NRG2: variants seen among roughly 807,000 people sequenced by gnomAD.
The protein encoded by NRG2 is neuregulin 2, also known as pro-neuregulin-2, membrane-bound isoform.
NRG2 carries 27 observed loss-of-function variants against 73.9 expected under a neutral mutation model. That is an observed-to-expected ratio of 0.37 (90% confidence interval 0.27 to 0.50). The LOEUF is 0.50. NRG2 is among the 20% of genes least tolerant of loss of function. The pLI, the probability that NRG2 is intolerant of heterozygous loss-of-function variation, is 0.96. For missense variants in NRG2, 1,126 were observed against 1,210.1 expected (o/e 0.93, Z 1.03); for synonymous variants, 532 against 541.0 (o/e 0.98, Z 0.23).
rs1761480579 is a variant in NRG2 at position 139,852,169 on chromosome 5, G to A, written c.1544+263C>T. ...CCTATCTCAGAAGCCCAGCCCCAGG[G>A]GCCAGTATGTGAGGGCCCTGACTAT... is the stretch of plus-strand genomic sequence containing the variant. On this transcript the variant is annotated intron_variant, in intron 8 of 9. Transcript: ENST00000361474. This position sits in a 1 kb window ranked among gnomAD's most constrained non-coding sequence, Gnocchi z 4.4. Among the ~76,000 whole-genome samples the A allele has an allele frequency of 6.6e-6, 1 of 152,116 alleles. No individual in the cohort carries two copies. Among genetic ancestry groups the A allele is most frequent in the South Asian group, 2.1e-4 (1 of 4,822 alleles).
chr5:140,016,826 G>A (rs772719872), intron 1 of NRG2, among the ~76,000 whole-genome samples: 4 of 152,238 alleles, frequency 2.6e-5, no homozygotes, highest in Non-Finnish European at 5.9e-5. Context: ...GGCCTGCAGC[G>A]TGGTCATCTC....
intron 1 of NRG2, among the ~76,000 whole-genome samples, chr5:139,948,973 CCT>C (rs1240649271): frequency 1.3e-5 from 2 of 152,036 alleles, no homozygotes; most frequent in Admixed American, 6.6e-5. Flanking sequence ...ATTAACAAAG[CCT>C]CTGAGTCTCG....
intron 1 of NRG2, among the ~76,000 whole-genome samples, chr5:139,906,607 C>T (rs1007074405): frequency 3.3e-5 from 5 of 152,294 alleles, no homozygotes; most frequent in Admixed American, 6.5e-5. Flanking sequence ...TACTGTGTTT[C>T]GGGCACAGTG....
chr5:140,043,218 G>C lies in NRG2; in HGVS notation c.-149C>G, dbSNP rs923519916. 7 of 848,882 alleles carry C rather than the reference G, an allele frequency of 8.2e-6. No individual in the cohort carries two copies. In the African/African-American group the frequency reaches 1.3e-4, roughly 15 times the overall value. The allele number at this position is 848,882 out of a possible 1,614,324, so 52.6% of individuals were successfully genotyped here. ...GGGGAGGTGGCCCAGCTAGGGCAGG[G>C]GGCAGGCGGCAAGCGGGCCGCGATG... On this transcript the variant is annotated 5_prime_UTR_variant, in exon 1 of 10. Coordinates refer to ENST00000361474, the MANE Select transcript of NRG2 (RefSeq NM_004883.3). The surrounding 1 kb of genome is among the most constrained non-coding windows in gnomAD (Gnocchi z 6.7).
chr5:139,967,913 C>T (rs1053575758), intron 1 of NRG2, among the ~76,000 whole-genome samples: 15 of 151,684 alleles, frequency 9.9e-5, no homozygotes, highest in Admixed American at 7.2e-4. Flanking sequence ...GAGCTGAGAT[C>T]GCACCACTGC....
chr5:139,981,890 G>A (rs1315314602), intron 1 of NRG2, among the ~76,000 whole-genome samples: 1 of 152,198 alleles, frequency 6.6e-6, no homozygotes, highest in Non-Finnish European at 1.5e-5. Flanking sequence ...AACCTAGAGG[G>A]GATGCTGGAG....
intron 1 of NRG2, among the ~76,000 whole-genome samples, chr5:140,007,954 A>G (rs763426550): frequency 2.0e-5 from 3 of 152,230 alleles, no homozygotes; most frequent in Non-Finnish European, 4.4e-5. Context: ...CGATACCTGA[A>G]CCCGGATCTT....
At chr5:139,947,709 A>G (rs1329184414) in intron 1 of NRG2, among the ~76,000 whole-genome samples, 1 of 152,150 alleles carries the variant, frequency 6.6e-6, no homozygotes, top group Non-Finnish European at 1.5e-5. Context: ...CCTTGCCAAC[A>G]TTTATTATTA....
Position 139,855,788 on chromosome 5 carries a change from T to A in NRG2, c.1190-10A>T, listed in dbSNP as rs2127012862. On this transcript the variant is annotated splice_polypyrimidine_tract_variant and intron_variant, in intron 5 of 9. Coordinates refer to ENST00000361474, the MANE Select transcript of NRG2 (RefSeq NM_004883.3). ...TACAGCTCCTCGGCTTCTGCAGAGG[T>A]AGGGTAGATGTGAGGGGTGGGGCAG... The A allele has an allele frequency of 1.2e-6, 2 of 1,607,154 alleles. No homozygotes were observed. The highest frequency in any genetic ancestry group is 1.7e-6 in the Non-Finnish European group (2 of 1,173,950).
Position 140,042,407 on chromosome 5 carries a change from G to A in NRG2, c.663C>T (p.Leu221=). The change falls in exon 1 of 10, where the codon CTC becomes CTT. Residue 221 remains leucine, a synonymous_variant. Transcript: ENST00000361474. The part of the protein sequence containing the change: ...FAPLDTNGKN[L]KKEVGKILCT... ...ACAGGATCTTGCCCACCTCTTTCTT[G>A]AGATTTTTGCCGTTGGTATCGAGGG... 6.3e-7 allele frequency: 1 copy of A among 1,599,334 alleles called. No homozygotes were observed. The highest frequency in any genetic ancestry group is 2.3e-5 in the East Asian group (1 of 44,230).
chr5:139,915,853 G>A lies in NRG2; in HGVS notation c.701-28342C>T, dbSNP rs1408871405. On this transcript the variant is annotated intron_variant, in intron 1 of 9. Coordinates refer to ENST00000361474, the MANE Select transcript of NRG2 (RefSeq NM_004883.3). This position sits in a 1 kb window ranked among gnomAD's most constrained non-coding sequence, Gnocchi z 4.0. ...TATGGGACAGCCTGGCAATGACACT[G>A]AGTGGGAATCCACAAAACAGGTTCA... Among the ~76,000 whole-genome samples the A allele has an allele frequency of 6.6e-6, 1 of 152,208 alleles. No individual in the cohort carries two copies. The highest frequency in any genetic ancestry group is 1.5e-5 in the Non-Finnish European group (1 of 68,042).
intron 1 of NRG2, among the ~76,000 whole-genome samples, chr5:139,968,491 G>A (rs1755725070): frequency 6.6e-6 from 1 of 152,156 alleles, no homozygotes; most frequent in East Asian, 1.9e-4. Flanking sequence ...GTTTGTGTGA[G>A]GCGAGGAACC....
intron 1 of NRG2, among the ~76,000 whole-genome samples, chr5:139,913,842 C>T (rs1030522344): frequency 1.3e-5 from 2 of 152,154 alleles, no homozygotes; most frequent in African/African-American, 4.8e-5. Context: ...CCTGGAACTT[C>T]CTTGGAGGGA....
At chr5:139,871,363 G>A (rs954345152) in intron 4 of NRG2, among the ~76,000 whole-genome samples, 11 of 152,172 alleles carry the variant, frequency 7.2e-5, no homozygotes, top group African/African-American at 2.7e-4. Context: ...AAAAGAGGGG[G>A]GGAAAGAGAG....
chr5:139,981,557 G>A (rs755353387), intron 1 of NRG2, among the ~76,000 whole-genome samples: 1 of 152,222 alleles, frequency 6.6e-6, no homozygotes, highest in Non-Finnish European at 1.5e-5. Flanking sequence ...GCTGTGCAGA[G>A]CCAGGCTGAG....
chr5:140,008,385 A>G lies in NRG2; in HGVS notation c.700+33985T>C, dbSNP rs1759074883. Among the ~76,000 whole-genome samples the G allele has an allele frequency of 6.6e-6, 1 of 152,246 alleles. No homozygotes were observed. Among genetic ancestry groups the G allele is most frequent in the Admixed American group, 6.5e-5 (1 of 15,294 alleles). ...TGCTGCATTTATTCAACAAATATTT[A>G]TTGAGCACCTATTATGTGCCAGAAA... On this transcript the variant is annotated intron_variant, in intron 1 of 9. Transcript: ENST00000361474. This position sits in a 1 kb window ranked among gnomAD's most constrained non-coding sequence, Gnocchi z 4.2.
chr5:139,866,576 C>T (rs950324391), intron 4 of NRG2, among the ~76,000 whole-genome samples: 2 of 152,144 alleles, frequency 1.3e-5, no homozygotes, highest in African/African-American at 2.4e-5. Context: ...GGAGCAGGCT[C>T]GCTGGGGGAC....
intron 1 of NRG2, among the ~76,000 whole-genome samples, chr5:139,889,460 T>C (rs1341560486): frequency 2.0e-5 from 3 of 152,180 alleles, no homozygotes; most frequent in Admixed American, 6.5e-5. Context: ...TAGGAGATAA[T>C]CAATCTTATG....
chr5:139,909,978 C>T (rs1162158480), intron 1 of NRG2, among the ~76,000 whole-genome samples: 1 of 152,160 alleles, frequency 6.6e-6, no homozygotes, highest in Non-Finnish European at 1.5e-5. Flanking sequence ...AAAGTTTATT[C>T]GTGCCTCTGC....
Sources: allele counts gnomAD v4.1 joint callset (sites outside exome capture counted in the v4.1 genomes callset), GRCh38; gene constraint gnomAD v4.1.1; non-coding constraint Gnocchi (gnomAD v3.1); transcripts MANE v1.5; gene names NCBI Gene and HGNC (gene_info 2026-07-23, HGNC 2026-07-21).